The following ASB2 variants were observed in gnomAD, a reference collection of about 807,000 sequenced individuals.
ASB2 encodes ankyrin repeat and SOCS box protein 2.
In ASB2, 58 loss-of-function variants were observed where a neutral mutation model predicts 62.4. The observed-to-expected ratio is 0.93, with a 90% CI of 0.75 to 1.16. The LOEUF (loss-of-function observed/expected upper bound fraction) is 1.16. Ranked by LOEUF, ASB2 falls within the 50% of genes most tolerant of loss-of-function variation. The pLI is 0.00. For synonymous variants in ASB2, 386 were observed against 385.3 expected (o/e 1.00, Z -0.02); for missense variants, 928 against 887.9 (o/e 1.05, Z -0.57).
intron 8 of ASB2, 83 bp from the exon 9 acceptor site, chr14:93,937,934 C>G (rs1485851554): frequency 3.6e-6 from 5 of 1,384,048 alleles, no homozygotes; most frequent in Non-Finnish European, 4.9e-6. Context: ...CGGATGTGTC[C>G]AAGCACAGAC....
chr14:93,962,044 T>G (rs1033475540), intron 2 of ASB2, among the ~76,000 whole-genome samples: 5 of 151,488 alleles, frequency 3.3e-5, no homozygotes, highest in Admixed American at 6.6e-5. Flanking sequence ...TGAATTAATG[T>G]GTGGCAGGCA....
intron 9 of ASB2, among the ~76,000 whole-genome samples, chr14:93,935,778 A>AGTGCCCTCTGAG (rs1567017301): frequency 1.3e-5 from 2 of 151,894 alleles, no homozygotes; most frequent in African/African-American, 4.8e-5. Flanking sequence ...TGACACTTCC[A>AGTGCCCTCTGAG]CTGCCCTCTG....
intron 7 of ASB2, chr14:93,940,472 C>G (rs766555486): frequency 6.6e-6 from 1 of 152,228 alleles, no homozygotes; most frequent in Non-Finnish European, 1.5e-5. Context: ...AGTGGAGCCA[C>G]GAGATCCTGA....
rs201152950 is a variant in ASB2, at chr14:93,939,114, C to A, written c.1611G>T (p.Val537=). ...GCCAGCGTGCGCTGCCCACCTGCAC[C>A]ACGCTGGGCTCCTTGTCGGCCGCGG... ...DAPAADKEPS[V]VQFCEFVSAP... is the part of the protein sequence containing the mutation. Residue 537 remains valine (V), a synonymous_variant, in exon 8 of 10, where the codon GTG becomes GTT. Coordinates refer to ENST00000555019, the MANE Select transcript of ASB2 (RefSeq NM_001202429.2). 1.3e-6 allele frequency: 2 copies of A among 1,499,222 alleles called. No homozygotes were observed. Among genetic ancestry groups the A allele is most frequent in the Non-Finnish European group, 1.8e-6 (2 of 1,121,116 alleles). The allele number at this position is 1,499,222 out of a possible 1,614,324, so 92.9% of individuals were successfully genotyped here.
At chr14:93,960,266 A>C (rs1427377732) in intron 2 of ASB2, among the ~76,000 whole-genome samples, 1 of 152,168 alleles carries the variant, frequency 6.6e-6, no homozygotes, top group Non-Finnish European at 1.5e-5. Context: ...GTCCCTCTGT[A>C]ACTGAGGAAG....
chr14:93,972,483 T>C (rs1853945667), intron 1 of ASB2, among the ~76,000 whole-genome samples: 1 of 152,208 alleles, frequency 6.6e-6, no homozygotes, highest in Admixed American at 6.5e-5. Flanking sequence ...TGCCTCATTT[T>C]ACTTTTTCAG....
intron 3 of ASB2, 116 bp downstream of exon 3, chr14:93,956,650 G>A (rs921800943): frequency 4.3e-6 from 6 of 1,381,668 alleles, no homozygotes; most frequent in East Asian, 4.7e-5. Context: ...CCTGGCAGGT[G>A]CCTCCATAGT....
chr14:93,973,485 G>C (rs1889819631), intron 1 of ASB2, among the ~76,000 whole-genome samples: 1 of 152,182 alleles, frequency 6.6e-6, no homozygotes, highest in Non-Finnish European at 1.5e-5. Context: ...AAAGTGCCCT[G>C]TTGCAATGAT....
At chr14:93,963,310 A>C (rs1567031004) in intron 2 of ASB2, among the ~76,000 whole-genome samples, 1 of 151,998 alleles carries the variant, frequency 6.6e-6, no homozygotes. Context: ...TTTGTGGCCT[A>C]TGCCTCAAAG....
Position 93,939,410 on chromosome 14 carries a change from G to T in ASB2, c.1315C>A (p.Arg439Ser), listed in dbSNP as rs769965101. 1 of 1,612,872 alleles carries T rather than the reference G, an allele frequency of 6.2e-7. No individual in the cohort carries two copies. The highest frequency in any genetic ancestry group is 2.2e-5 in the East Asian group (1 of 44,860). The change falls in exon 8 of 10, where the codon CGC (arginine) becomes AGC (serine). Residue 439 changes from arginine to serine, a missense_variant. Physicochemically the swap from Arg to Ser is moderately radical, Grantham distance 110 (BLOSUM62 -1). Coordinates refer to ENST00000555019, the MANE Select transcript of ASB2 (RefSeq NM_001202429.2). ...LLLQHGADPN[R>S]DVISPLLVAI... ...ACGAGCAAGGGGCTGATGACGTCGC[G>T]GTTGGGGTCGGCGCCGTGTTGCAGC...
At chr14:93,949,703 A>G (rs1467935851) in intron 6 of ASB2, among the ~76,000 whole-genome samples, 1 of 152,076 alleles carries the variant, frequency 6.6e-6, no homozygotes, top group Non-Finnish European at 1.5e-5. Flanking sequence ...CTCAGCCCAC[A>G]AAGTGAACAC....
At chr14:93,951,382 CA>C in intron 5 of ASB2, 138 bp from the exon 6 acceptor site, 1 of 1,027,668 alleles carries the variant, frequency 9.7e-7, no homozygotes, top group Non-Finnish European at 1.4e-6. Context: ...CCAATCCCTG[CA>C]TTGAACCTGG....
intron 4 of ASB2, 41 bp from the exon 5 acceptor site, chr14:93,953,548 A>C: frequency 6.6e-7 from 1 of 1,521,726 alleles, no homozygotes; most frequent in Non-Finnish European, 8.9e-7. Flanking sequence ...GGAGAAAGAT[A>C]CTCAGCCCCG....
At position 93,939,556 on chromosome 14, in the gene ASB2, C is replaced by T; in HGVS notation, c.1169G>A (p.Ser390Asn). Residue 390 changes from serine to asparagine, a missense_variant, in exon 8 of 10, where the codon AGC becomes AAC. Physicochemically the swap from Ser to Asn is conservative, Grantham distance 46. Coordinates refer to ENST00000555019, the MANE Select transcript of ASB2 (RefSeq NM_001202429.2). Reference protein sequence around the residue: ...NHDEVLEALLSARFDVNTPLA... With the variant: ...NHDEVLEALLNARFDVNTPLA... ...CGGCGTGTTCACGTCGAAGCGCGCG[C>T]TCAGCAGCGCCTCCAGCACCTCGTC... The T allele has an allele frequency of 6.3e-7, 1 of 1,595,488 alleles. No individual in the cohort carries two copies. The highest frequency in any genetic ancestry group is 8.5e-7 in the Non-Finnish European group (1 of 1,173,288).
intron 5 of ASB2, among the ~76,000 whole-genome samples, chr14:93,951,653 G>C (rs971374493): frequency 1.3e-5 from 2 of 152,196 alleles, no homozygotes; most frequent in Admixed American, 1.3e-4. Flanking sequence ...TCAAACCCTG[G>C]TAGTCAGGCT....
chr14:93,934,744 G>T lies in ASB2; in HGVS notation c.1820C>A (p.Ala607Asp). 1 of 1,613,570 alleles carries T rather than the reference G, an allele frequency of 6.2e-7. No individual in the cohort carries two copies. Among genetic ancestry groups the T allele is most frequent in the Non-Finnish European group, 8.5e-7 (1 of 1,179,472 alleles). Residue 607 changes from alanine to aspartate, a missense_variant, in exon 10 of 10, where the codon GCC (alanine) becomes GAC (aspartate). Transcript: ENST00000555019. The part of the protein sequence containing the change: ...AHLCRLRVRK[A>D]IGKYRIKLLD... Reference sequence around the variant, plus strand: ...GAGTTTTATACGGTATTTCCCAATGGCCTTTCGAACCCGCAGTCGGCAAAG... The same window carrying T: ...GAGTTTTATACGGTATTTCCCAATGTCCTTTCGAACCCGCAGTCGGCAAAG...
intron 3 of ASB2, among the ~76,000 whole-genome samples, chr14:93,955,778 G>A (rs904309487): frequency 6.6e-6 from 1 of 152,198 alleles, no homozygotes; most frequent in Admixed American, 6.5e-5. Flanking sequence ...GAGTGGGGGA[G>A]GGTTCTGGGG....
rs1018338051 is a variant in ASB2 at position 93,964,596 on chromosome 14, C to G, written c.-57G>C. On this transcript the variant is annotated 5_prime_UTR_variant, in exon 2 of 10. Transcript: ENST00000555019. Reference sequence around the variant, plus strand: ...CAGACACCCAGTGGGGAGGAGGGAACAGCAAATCAGAAAACCCTGTGAGGA... The same window carrying G: ...CAGACACCCAGTGGGGAGGAGGGAAGAGCAAATCAGAAAACCCTGTGAGGA... 8 of 1,490,014 alleles carry G rather than the reference C, an allele frequency of 5.4e-6. No homozygotes were observed. Among genetic ancestry groups the G allele is most frequent in the Non-Finnish European group, 7.2e-6 (8 of 1,105,594 alleles). 92.3% of individuals were successfully genotyped at this position (1,490,014 alleles called of 1,614,324 possible).
At chr14:93,974,482 T>G (rs1457640809) in intron 1 of ASB2, among the ~76,000 whole-genome samples, 1 of 152,254 alleles carries the variant, frequency 6.6e-6, no homozygotes, top group Non-Finnish European at 1.5e-5. Flanking sequence ...CAGAGATATT[T>G]TTGTGCCTCC....
Sources: allele counts gnomAD v4.1 joint callset (sites outside exome capture counted in the v4.1 genomes callset), GRCh38; gene constraint gnomAD v4.1.1; transcripts MANE v1.5; gene names NCBI Gene and HGNC (gene_info 2026-07-23, HGNC 2026-07-21).